CLASP1: variants seen among roughly 807,000 people sequenced by gnomAD.
CLASP1 encodes cytoplasmic linker associated protein 1.
CLASP1 carries 38 observed loss-of-function variants against 192.3 expected under a neutral mutation model. The observed-to-expected ratio is 0.20, with a 90% confidence interval of 0.15 to 0.26. The LOEUF is 0.26. CLASP1 is among the 10% of genes least tolerant of loss of function. The pLI, the probability that CLASP1 is intolerant of heterozygous loss-of-function variation, is 1.00. For missense variants in CLASP1, 1,433 were observed against 1,932.5 expected, an observed-to-expected ratio of 0.74 and a Z score of 4.85; for synonymous variants, 691 against 712.8, an observed-to-expected ratio of 0.97 and a Z score of 0.49.
intron 34 of CLASP1, among the ~76,000 whole-genome samples, chr2:121,371,981 T>A (rs1449091044): frequency 6.6e-6 from 1 of 152,248 alleles, no homozygotes; most frequent in Non-Finnish European, 1.5e-5. Context: ...AGATCCAATG[T>A]ACTCCTGGAA....
At position 121,382,313 on chromosome 2, in the gene CLASP1, C is replaced by T. The variant is rs1452859774; in HGVS notation, c.3386G>A (p.Gly1129Asp). The change falls in exon 33 of 40, where the codon GGT (glycine) becomes GAT (aspartate). Residue 1129 changes from glycine to aspartate, a missense_variant. Coordinates refer to ENST00000263710, the Ensembl canonical transcript of CLASP1. ...CTTCGCTAACCCGTCGGCACTCCAA[C>T]CCCATAACCGACTGCAGTGATCAGA... is the stretch of plus-strand genomic sequence containing the variant. 5.1e-6 allele frequency: 8 copies of T among 1,571,858 alleles called. No homozygotes were observed. In the East Asian group the frequency reaches 1.8e-4, roughly 36 times the overall value.
At chr2:121,603,531 A>G (rs546304168) in intron 2 of CLASP1, among the ~76,000 whole-genome samples, 6 of 152,230 alleles carry the variant, frequency 3.9e-5, no homozygotes, top group Non-Finnish European at 8.8e-5. Context: ...GTTCCATAAA[A>G]AACTATAAAT....
At chr2:121,577,488 T>C (rs2060638746) in intron 2 of CLASP1, among the ~76,000 whole-genome samples, 1 of 152,120 alleles carries the variant, frequency 6.6e-6, no homozygotes, top group Non-Finnish European at 1.5e-5. Context: ...GAATAGCATA[T>C]ATGGTGAAAT....
chr2:121,603,666 C>A (rs777849842), intron 2 of CLASP1, among the ~76,000 whole-genome samples: 8 of 152,166 alleles, frequency 5.3e-5, no homozygotes, highest in Non-Finnish European at 1.2e-4. Flanking sequence ...AGCAAAGAAT[C>A]AACCTACATG....
intron 37 of CLASP1, among the ~76,000 whole-genome samples, chr2:121,355,998 T>G (rs2065308981): frequency 6.6e-6 from 1 of 152,248 alleles, no homozygotes; most frequent in Non-Finnish European, 1.5e-5. Flanking sequence ...CTTTTTAAAA[T>G]TGGATCATTA....
chr2:121,531,848 C>A (rs1021537501), intron 2 of CLASP1, among the ~76,000 whole-genome samples: 3 of 149,400 alleles, frequency 2.0e-5, no homozygotes, highest in Non-Finnish European at 4.4e-5. Flanking sequence ...AGCCTGGCGA[C>A]AGAGCAAGAC....
At chr2:121,603,464 T>C (rs780688741) in intron 2 of CLASP1, among the ~76,000 whole-genome samples, 3 of 152,150 alleles carry the variant, frequency 2.0e-5, no homozygotes, top group Non-Finnish European at 4.4e-5. Context: ...AGGGAACTCT[T>C]ATACACTGCT....
intron 2 of CLASP1, among the ~76,000 whole-genome samples, chr2:121,555,896 C>G (rs1430696231): frequency 6.7e-6 from 1 of 149,036 alleles, no homozygotes; most frequent in Non-Finnish European, 1.5e-5. Flanking sequence ...GTTGGTCAGG[C>G]TGGAACTCCT....
At chr2:121,389,318 T>A (rs991461811) in intron 30 of CLASP1, among the ~76,000 whole-genome samples, 1 of 152,170 alleles carries the variant, frequency 6.6e-6, no homozygotes, top group Non-Finnish European at 1.5e-5. Context: ...AAAATACACT[T>A]TTCTGCATTT....
chr2:121,391,540 CT>C (rs929847766), intron 30 of CLASP1, among the ~76,000 whole-genome samples: 1 of 152,198 alleles, frequency 6.6e-6, no homozygotes, highest in Admixed American at 6.5e-5. Context: ...ATCACTAGGT[CT>C]TTTACTTAAT....
intron 8 of CLASP1, among the ~76,000 whole-genome samples, chr2:121,480,630 T>C (rs2092517056): frequency 6.6e-6 from 1 of 152,150 alleles, no homozygotes; most frequent in South Asian, 2.1e-4. Context: ...AGGCTTCTGT[T>C]TCCCTGTGTG....
intron 34 of CLASP1, among the ~76,000 whole-genome samples, chr2:121,373,086 A>T (rs2069097591): frequency 6.6e-6 from 1 of 152,192 alleles, no homozygotes; most frequent in African/African-American, 2.4e-5. Flanking sequence ...GTCAAATTGC[A>T]ATTTCCAATG....
chr2:121,640,701 T>C (rs2071893123), intron 1 of CLASP1, among the ~76,000 whole-genome samples: 1 of 151,390 alleles, frequency 6.6e-6, no homozygotes, highest in Non-Finnish European at 1.5e-5. Context: ...AAAAATGGGA[T>C]AAATGAAAAG....
At chr2:121,375,357 T>G (rs1558936663) in intron 34 of CLASP1, among the ~76,000 whole-genome samples, 1 of 149,566 alleles carries the variant, frequency 6.7e-6, no homozygotes, top group South Asian at 2.1e-4. Context: ...TTACCTAGTT[T>G]CTGATTTTTT....
At chr2:121,399,791 C>G (rs2075872360) in intron 28 of CLASP1, among the ~76,000 whole-genome samples, 1 of 152,202 alleles carries the variant, frequency 6.6e-6, no homozygotes, top group African/African-American at 2.4e-5. Context: ...ATACTCCTAC[C>G]ATTCCTAAAT....
chr2:121,486,330 T>A (rs1249946716), intron 8 of CLASP1, among the ~76,000 whole-genome samples: 1 of 152,210 alleles, frequency 6.6e-6, no homozygotes, highest in Non-Finnish European at 1.5e-5. Context: ...CACTAAGGGA[T>A]GTGAATAAAG....
intron 2 of CLASP1, among the ~76,000 whole-genome samples, chr2:121,536,378 G>GGA (rs1428457756): frequency 5.0e-4 from 24 of 48,312 alleles, no homozygotes; most frequent in African/African-American, 6.9e-4. Flanking sequence ...AAGACTGTCT[G>GGA]AAAAAAAAAA....
exon 40 of CLASP1, chr2:121,339,634 A>C (rs1224262569): frequency 2.0e-5 from 3 of 152,220 alleles, no homozygotes; most frequent in Non-Finnish European, 4.4e-5. Context: ...CTGAGGAGGA[A>C]GAGAGACTCT....
intron 30 of CLASP1, among the ~76,000 whole-genome samples, chr2:121,394,937 A>AT (rs940329636): frequency 9.2e-5 from 14 of 152,090 alleles, no homozygotes; most frequent in African/African-American, 2.4e-4. Flanking sequence ...CAGATGTGTA[A>AT]TTTTTTTTGT....
Sources: gnomAD v4.1 joint callset for allele counts (sites outside exome capture counted in the v4.1 genomes callset) on GRCh38, gnomAD v4.1.1 for gene constraint, MANE v1.5 for transcripts, NCBI Gene and HGNC (gene_info 2026-07-23, HGNC 2026-07-21) for gene names.